SLC16A12: variants seen among roughly 807,000 people sequenced by gnomAD.
SLC16A12 encodes solute carrier family 16 member 12.
A neutral mutation model predicts 42.4 loss-of-function variants in SLC16A12; 17 were observed. That is an observed-to-expected ratio of 0.40 (90% CI 0.27 to 0.60). SLC16A12 has a LOEUF of 0.60. Among genes scored for constraint, SLC16A12 ranks in the 20% least tolerant of loss-of-function variants. The pLI, the probability that SLC16A12 is intolerant of heterozygous loss-of-function variation, is 0.42. For synonymous variants in SLC16A12, 224 were observed against 229.4 expected (o/e 0.98, Z 0.21); for missense variants, 544 against 623.0 (o/e 0.87, Z 1.35).
At chr10:89,487,456 A>G (rs1842774581) in intron 2 of SLC16A12, among the ~76,000 whole-genome samples, 1 of 152,142 alleles carries the variant, frequency 6.6e-6, no homozygotes, top group Admixed American at 6.5e-5. Flanking sequence ...AACTAAAAAT[A>G]GAACTACCAT....
At chr10:89,544,337 G>T (rs1843731590) in intron 2 of SLC16A12, among the ~76,000 whole-genome samples, 1 of 152,182 alleles carries the variant, frequency 6.6e-6, no homozygotes, top group Non-Finnish European at 1.5e-5. Flanking sequence ...CTCCCAACCA[G>T]ATGTGGAGTA....
In SLC16A12 at chr10:89,439,123, C is replaced by A. The variant is rs1188547146; in HGVS notation, c.509G>T (p.Arg170Ile). 1 of 1,613,944 alleles carries A rather than the reference C, an allele frequency of 6.2e-7. No individual in the cohort carries two copies. Among genetic ancestry groups the A allele is most frequent in the African/African-American group, 1.3e-5 (1 of 75,044 alleles). The change falls in exon 6 of 8, where the codon AGA becomes ATA. Residue 170 changes from arginine (R) to isoleucine (I), a missense_variant. Coordinates refer to ENST00000371790, the MANE Select transcript of SLC16A12 (RefSeq NM_213606.4). Reference protein sequence around the residue: ...AIAMVGKYFSRRKALAYGIAM... With the variant: ...AIAMVGKYFSIRKALAYGIAM... ...GATACCATAAGCAAGGGCTTTCCGT[C>A]TGCTGAAGTACTTGCCAACCATGGC...
intron 6 of SLC16A12, among the ~76,000 whole-genome samples, chr10:89,436,914 A>AAAGAAAGAAAAAG (rs1841808758): frequency 3.7e-4 from 51 of 136,562 alleles, no homozygotes; most frequent in African/African-American, 1.3e-3. Context: ...GAAAGAAAGA[A>AAAGAAAGAAAAAG]AAAGAAAGAG....
At chr10:89,542,117 A>T (rs1015478559) in intron 2 of SLC16A12, among the ~76,000 whole-genome samples, 3 of 151,420 alleles carry the variant, frequency 2.0e-5, no homozygotes, top group African/African-American at 7.3e-5. Flanking sequence ...AAGAATGTGG[A>T]TGTCTACTCA....
chr10:89,475,280 A>G (rs1454799568), intron 2 of SLC16A12, among the ~76,000 whole-genome samples: 1 of 152,146 alleles, frequency 6.6e-6, no homozygotes, highest in African/African-American at 2.4e-5. Flanking sequence ...AGTGTAGCAA[A>G]GGGTTCCAGC....
chr10:89,480,106 A>G, intron 2 of SLC16A12, among the ~76,000 whole-genome samples: 1 of 152,208 alleles, frequency 6.6e-6, no homozygotes, highest in East Asian at 1.9e-4. Flanking sequence ...CATTCCTCTG[A>G]CAGGACACCC....
Position 89,439,193 on chromosome 10 carries a change from A to C in SLC16A12, c.449-10T>G, listed in dbSNP as rs769323616. 1.2e-6 allele frequency: 2 copies of C among 1,613,266 alleles called. No individual in the cohort carries two copies. Among genetic ancestry groups the C allele is most frequent in the Admixed American group, 3.3e-5 (2 of 59,994 alleles). Reference sequence around the variant, plus strand: ...AGTGCAAATCCAAGACCTGAGGATAAAGAGAACTCTATGAGTGCTGAAGTA... The same window carrying C: ...AGTGCAAATCCAAGACCTGAGGATACAGAGAACTCTATGAGTGCTGAAGTA... On this transcript the variant is annotated splice_polypyrimidine_tract_variant and intron_variant, in intron 5 of 7. Coordinates refer to ENST00000371790, the MANE Select transcript of SLC16A12 (RefSeq NM_213606.4).
At chr10:89,546,949 C>A (rs760568931) in intron 2 of SLC16A12, among the ~76,000 whole-genome samples, 1 of 152,122 alleles carries the variant, frequency 6.6e-6, no homozygotes. Context: ...AACCAAACAC[C>A]GCATATTCTC....
intron 2 of SLC16A12, among the ~76,000 whole-genome samples, chr10:89,545,035 C>T (rs1016156295): frequency 1.3e-5 from 2 of 152,172 alleles, no homozygotes; most frequent in African/African-American, 4.8e-5. Context: ...CTCCATCTGG[C>T]TCTCTCTCAA....
chr10:89,476,311 C>T (rs1842578682), intron 2 of SLC16A12, among the ~76,000 whole-genome samples: 1 of 152,180 alleles, frequency 6.6e-6, no homozygotes, highest in Admixed American at 6.5e-5. Context: ...ACGATATTTC[C>T]TTCACTCTGT....
At chr10:89,478,078 A>T (rs1346893080) in intron 2 of SLC16A12, among the ~76,000 whole-genome samples, 1 of 152,218 alleles carries the variant, frequency 6.6e-6, no homozygotes, top group Non-Finnish European at 1.5e-5. Context: ...AATAACAGTT[A>T]CATCAAGTAG....
chr10:89,509,780 A>C (rs1398865379), intron 2 of SLC16A12, among the ~76,000 whole-genome samples: 1 of 152,230 alleles, frequency 6.6e-6, no homozygotes, highest in Non-Finnish European at 1.5e-5. Context: ...GTATTCAGTC[A>C]GGAAAACAGG....
intron 2 of SLC16A12, among the ~76,000 whole-genome samples, chr10:89,527,803 T>TA (rs1171305059): frequency 1.2e-3 from 148 of 119,330 alleles, no homozygotes; most frequent in Non-Finnish European, 1.6e-3. Flanking sequence ...CCCCATCTCT[T>TA]AAAAAAAAAA....
chr10:89,538,185 G>A (rs1843692811), upstream of SLC16A12, among the ~76,000 whole-genome samples: 1 of 152,344 alleles, frequency 6.6e-6, no homozygotes, highest in South Asian at 2.1e-4. Context: ...CTATCGCTGT[G>A]CAGAAGAAAA....
chr10:89,553,856 C>T (rs1165976066), intron 2 of SLC16A12, among the ~76,000 whole-genome samples: 6 of 151,474 alleles, frequency 4.0e-5, no homozygotes, highest in African/African-American at 9.7e-5. Context: ...ATTAGCCAGG[C>T]GTGGTGGCAG....
intron 2 of SLC16A12, among the ~76,000 whole-genome samples, chr10:89,471,559 C>T (rs1457568738): frequency 6.6e-6 from 1 of 152,098 alleles, no homozygotes; most frequent in African/African-American, 2.4e-5. Flanking sequence ...ACAGCTGTTT[C>T]CAGTTTTACA....
chr10:89,450,942 A>G (rs1842086718), intron 3 of SLC16A12, among the ~76,000 whole-genome samples: 1 of 152,150 alleles, frequency 6.6e-6, no homozygotes, highest in Non-Finnish European at 1.5e-5. Flanking sequence ...TGTGCAGAGA[A>G]AGAGAAAGAA....
intron 3 of SLC16A12, among the ~76,000 whole-genome samples, chr10:89,446,183 T>A (rs1338875828): frequency 2.0e-5 from 3 of 152,122 alleles, no homozygotes; most frequent in African/African-American, 7.2e-5. Flanking sequence ...AAAACACTCT[T>A]CAGGATATTA....
At chr10:89,487,027 C>T (rs962527798) in intron 2 of SLC16A12, among the ~76,000 whole-genome samples, 11 of 152,238 alleles carry the variant, frequency 7.2e-5, no homozygotes, top group Non-Finnish European at 1.5e-4. Flanking sequence ...CACCCTTTCA[C>T]TTCCAATAGG....
Sources: allele counts gnomAD v4.1 joint callset (sites outside exome capture counted in the v4.1 genomes callset), GRCh38; gene constraint gnomAD v4.1.1; transcripts MANE v1.5; gene names NCBI Gene and HGNC (gene_info 2026-07-23, HGNC 2026-07-21).